Variants in RGMA observed in about 807,000 individuals in gnomAD.
RGMA encodes repulsive guidance molecule A.
RGMA carries 10 observed loss-of-function variants against 23.2 expected under a neutral mutation model. That is an observed-to-expected ratio of 0.43 (90% CI 0.27 to 0.73). The LOEUF (loss-of-function observed/expected upper bound fraction) is 0.73. RGMA is among the 30% of genes least tolerant of loss of function. RGMA has a pLI of 0.20. For missense variants in RGMA, 547 were observed against 630.5 expected, an observed-to-expected ratio of 0.87 and a Z score of 1.42; for synonymous variants, 308 against 279.3, an observed-to-expected ratio of 1.10 and a Z score of -1.03.
intron 2 of RGMA, chr15:93,065,707 C>T (rs1895121880): frequency 8.4e-7 from 1 of 1,197,046 alleles, no homozygotes; most frequent in Admixed American, 1.8e-5. Context: ...GTTTCGTGGG[C>T]CCTGGGGCTC....
At chr15:93,065,763 G>GT (rs1567189872) in intron 2 of RGMA, 3 of 1,145,294 alleles carry the variant, frequency 2.6e-6, no homozygotes, top group Non-Finnish European at 3.9e-6. Flanking sequence ...TGGTCTCACC[G>GT]TCCCCACCTT....
chr15:93,054,280 T>C (rs1184217510), intron 2 of RGMA, among the ~76,000 whole-genome samples: 1 of 151,702 alleles, frequency 6.6e-6, no homozygotes, highest in Non-Finnish European at 1.5e-5. Context: ...TTCCATTTTA[T>C]TAGCTTTAAA....
intron 1 of RGMA, chr15:93,073,864 G>A: frequency 6.8e-7 from 1 of 1,481,006 alleles, no homozygotes; most frequent in Non-Finnish European, 8.9e-7. Flanking sequence ...GCCTAACCTT[G>A]CCACCTTGGC....
Position 93,045,664 on chromosome 15 carries a change from C to G in RGMA, c.687G>C (p.Gln229His). The change falls in exon 4 of 4, where the codon CAG becomes CAC. Residue 229 changes from glutamine to histidine, a missense_variant. Gln to His is a conservative substitution (Grantham distance 24). Around this residue, in one of 3 missense-constraint regions of RGMA, gnomAD observed 128 missense variants for 191.7 expected, o/e 0.67. Transcript: ENST00000329082. The surrounding 1 kb of genome is among the most constrained non-coding windows in gnomAD (Gnocchi z 6.9). ...CGTCCATCTCAGCCTGGTACACCTT[C>G]TGGTCCACACACTCCTGGAAGTTCT... The part of the protein sequence containing the change: ...IFKNFQECVD[Q>H]KVYQAEMDEL... 6.2e-7 allele frequency: 1 copy of G among 1,608,208 alleles called. No homozygotes were observed. The highest frequency in any genetic ancestry group is 1.1e-5 in the South Asian group (1 of 91,088).
chr15:93,063,198 C>T (rs889479530), intron 2 of RGMA: 13 of 152,276 alleles, frequency 8.5e-5, no homozygotes, highest in African/African-American at 3.1e-4. Flanking sequence ...AGCCTTGAAG[C>T]CTCAGACCTC....
At chr15:93,065,016 T>C (rs1261119436) in intron 2 of RGMA, among the ~76,000 whole-genome samples, 2 of 152,030 alleles carry the variant, frequency 1.3e-5, no homozygotes, top group Admixed American at 6.5e-5. Context: ...CTTGCTCTGT[T>C]GCCCAGACTG....
At chr15:93,079,686 A>G (rs11074137) in intron 1 of RGMA, among the ~76,000 whole-genome samples, 96,854 of 151,960 alleles carry the variant, frequency 0.64, 31,066 homozygotes, top group African/African-American at 0.69. Context: ...CAGGCATGGC[A>G]GTGGGCACCT....
rs1346178340 is a variant in RGMA at position 93,072,907 on chromosome 15, G to A, written c.130+9C>T. 2 of 1,592,652 alleles carry A rather than the reference G, an allele frequency of 1.3e-6. No individual in the cohort carries two copies. Among genetic ancestry groups the A allele is most frequent in the Non-Finnish European group, 8.5e-7 (1 of 1,169,782 alleles). On this transcript the variant is annotated intron_variant, in intron 2 of 3. Coordinates refer to ENST00000329082, the MANE Select transcript of RGMA (RefSeq NM_020211.3). The stretch of plus-strand genomic sequence containing the variant: ...CCCGGCCCCGCGCGCCCGGCCGGCA[G>A]TGCCTTACCTGCGGGGAAGCTGCAG...
At chr15:93,071,968 T>C (rs1895340956) in intron 2 of RGMA, among the ~76,000 whole-genome samples, 1 of 152,212 alleles carries the variant, frequency 6.6e-6, no homozygotes, top group Admixed American at 6.5e-5. Flanking sequence ...TTATTTGTAT[T>C]TTTAGCAAGA....
chr15:93,052,597 A>G, intron 2 of RGMA, 90 bp from the exon 3 acceptor site: 1 of 1,365,686 alleles, frequency 7.3e-7, no homozygotes, highest in Admixed American at 2.5e-5. Flanking sequence ...GCAGCCACAC[A>G]TCGCCTCATC....
chr15:93,072,903 G>C lies in RGMA; in HGVS notation c.130+13C>G. 7.0e-6 allele frequency: 11 copies of C among 1,579,386 alleles called. No individual in the cohort carries two copies. The highest frequency in any genetic ancestry group is 9.5e-6 in the Non-Finnish European group (11 of 1,163,542). On this transcript the variant is annotated intron_variant, in intron 2 of 3. Coordinates refer to ENST00000329082, the MANE Select transcript of RGMA (RefSeq NM_020211.3). ...GGGACCCGGCCCCGCGCGCCCGGCC[G>C]GCAGTGCCTTACCTGCGGGGAAGCT...
At position 93,073,206 on chromosome 15, in the gene RGMA, A is replaced by T. The variant is rs917519105; in HGVS notation, c.15-175T>A. On this transcript the variant is annotated intron_variant, in intron 1 of 3. Coordinates refer to ENST00000329082, the MANE Select transcript of RGMA (RefSeq NM_020211.3). Reference sequence around the variant, plus strand: ...GCGCGCCCCTCCCTCGCCATCCATCACTCGGTTCTCCGCCAATGTCGACGC... The same window carrying T: ...GCGCGCCCCTCCCTCGCCATCCATCTCTCGGTTCTCCGCCAATGTCGACGC... The T allele has an allele frequency of 2.5e-6, 3 of 1,205,238 alleles. No homozygotes were observed. The African/African-American group carries it at 4.9e-5, about 19-fold the overall frequency. 74.7% of individuals were successfully genotyped at this position (1,205,238 alleles called of 1,614,324 possible).
chr15:93,082,028 C>T (rs893407530), intron 1 of RGMA, among the ~76,000 whole-genome samples: 94 of 152,280 alleles, frequency 6.2e-4, no homozygotes, highest in African/African-American at 2.1e-3. Flanking sequence ...TTATTTCATC[C>T]GTAAGATAGG....
chr15:93,066,351 C>CG lies in RGMA; in HGVS notation c.130+6564dup, dbSNP rs1168193849. On this transcript the variant is annotated intron_variant, in intron 2 of 3. Transcript: ENST00000329082. Reference sequence around the variant, plus strand: ...GAACCATTTGACAGTGCCCAGGACTCGGAGTGCCAGCAGCACCAGCTTGTT... The same window carrying CG: ...GAACCATTTGACAGTGCCCAGGACTCGGGAGTGCCAGCAGCACCAGCTTGTT... 21 of 749,702 alleles carry CG rather than the reference C, an allele frequency of 2.8e-5. No homozygotes were observed. In the African/African-American group the frequency reaches 3.6e-4, roughly 13 times the overall value. The allele number at this position is 749,702 out of a possible 1,614,324, so 46.4% of individuals were successfully genotyped here.
Position 93,041,922 on chromosome 15 carries a change from T to C in RGMA, c.*3076A>G, listed in dbSNP as rs2054729225. The C allele has an allele frequency of 6.6e-6, 1 of 152,336 alleles. No homozygotes were observed. The highest frequency in any genetic ancestry group is 1.5e-5 in the Non-Finnish European group (1 of 68,142). The allele number at this position is 152,336 out of a possible 1,614,324, so 9.4% of individuals were successfully genotyped here. A position where few individuals can be genotyped will look rare whatever the true frequency, so the allele number is the denominator to read the frequency against. On this transcript the variant is annotated 3_prime_UTR_variant, in exon 4 of 4. Transcript: ENST00000329082. Reference sequence around the variant, plus strand: ...GCTCACGCCTGTAATCCCAACACTTTGGGAGGCCAAGGCAGGCGGATCACG... The same window carrying C: ...GCTCACGCCTGTAATCCCAACACTTCGGGAGGCCAAGGCAGGCGGATCACG...
Position 93,044,113 on chromosome 15 carries a change from G to A in RGMA, c.*885C>T, listed in dbSNP as rs1197584800. 2.0e-5 allele frequency: 3 copies of A among 152,420 alleles called. No homozygotes were observed. The highest frequency in any genetic ancestry group is 4.4e-5 in the Non-Finnish European group (3 of 68,176). 9.4% of individuals were successfully genotyped at this position (152,420 alleles called of 1,614,324 possible). A position where few individuals can be genotyped will look rare whatever the true frequency, so the allele number is the denominator to read the frequency against. ...CTTGGGGTTGTGAGGAGGAAGCAGA[G>A]GATCAGGGCAGGCCAGCTGGCCCCA... On this transcript the variant is annotated 3_prime_UTR_variant, in exon 4 of 4. Coordinates refer to ENST00000329082, the MANE Select transcript of RGMA (RefSeq NM_020211.3).
chr15:93,043,395 T>TC lies in RGMA; in HGVS notation c.*1602dup, dbSNP rs2054755073. Reference sequence around the variant, plus strand: ...GCCAAAGTCTGTTCAGAAAACAAACTCCAACACGTCTAAAAGAAAATAACA... The same window carrying TC: ...GCCAAAGTCTGTTCAGAAAACAAACTCCCAACACGTCTAAAAGAAAATAACA... On this transcript the variant is annotated 3_prime_UTR_variant, in exon 4 of 4. Transcript: ENST00000329082. 6 of 152,330 alleles carry TC rather than the reference T, an allele frequency of 3.9e-5. No individual in the cohort carries two copies. The highest frequency in any genetic ancestry group is 3.9e-4 in the Admixed American group (6 of 15,258). 9.4% of individuals were successfully genotyped at this position (152,330 alleles called of 1,614,324 possible).
At chr15:93,078,072 T>C (rs368799806) in intron 1 of RGMA, among the ~76,000 whole-genome samples, 2 of 152,170 alleles carry the variant, frequency 1.3e-5, no homozygotes, top group East Asian at 1.9e-4. Context: ...ATGAAGACTT[T>C]ATTTAGGCTA....
chr15:93,073,130 T>C (rs1895392558), intron 1 of RGMA, 99 bp from the exon 2 acceptor site: 1 of 1,287,522 alleles, frequency 7.8e-7, no homozygotes, highest in Non-Finnish European at 9.9e-7. Context: ...GGAGGCTCCG[T>C]CCACCTCGGC....
Sources: gnomAD v4.1 joint callset for allele counts (sites outside exome capture counted in the v4.1 genomes callset) on GRCh38, gnomAD v4.1.1 for gene constraint, gnomAD v4.1.1 regional missense constraint, Gnocchi (gnomAD v3.1) non-coding constraint, MANE v1.5 for transcripts, NCBI Gene and HGNC (gene_info 2026-07-23, HGNC 2026-07-21) for gene names.